Variants in RHBDD1 observed in about 807,000 individuals in gnomAD.
RHBDD1 encodes the protein rhomboid-related protein 4.
A neutral mutation model predicts 36.3 loss-of-function variants in RHBDD1; 38 were observed. The ratio of observed to expected loss-of-function variants is 1.05; its 90% CI spans 0.81 to 1.37. The LOEUF (loss-of-function observed/expected upper bound fraction) is 1.37. RHBDD1 is among the 40% of genes most tolerant of loss of function. The pLI, the probability that RHBDD1 is intolerant of heterozygous loss-of-function variation, is 0.00. For synonymous variants in RHBDD1, 151 were observed against 136.5 expected, an observed-to-expected ratio of 1.11 and a Z score of -0.74; for missense variants, 393 against 377.6, an observed-to-expected ratio of 1.04 and a Z score of -0.34.
At chr2:226,966,295 C>A (rs187795723) in intron 8 of RHBDD1, among the ~76,000 whole-genome samples, 76 of 152,282 alleles carry the variant, frequency 5.0e-4, no homozygotes, top group South Asian at 3.7e-3. Context: ...CACTCTTCAC[C>A]GTAAGGCTCA....
At chr2:226,826,944 T>C in the RHBDD1 span, among the ~76,000 whole-genome samples, 1 of 152,086 alleles carries the variant, frequency 6.6e-6, no homozygotes, top group African/African-American at 2.4e-5. Context: ...GACATGTTAA[T>C]AGATTACATT....
upstream of RHBDD1, among the ~76,000 whole-genome samples, chr2:226,832,290 A>T (rs1010323576): frequency 6.6e-6 from 1 of 152,220 alleles, no homozygotes; most frequent in South Asian, 2.1e-4. Flanking sequence ...GGGATTTTCC[A>T]AATTTCTTTC....
chr2:226,987,935 AC>A (rs1303585099), intron 8 of RHBDD1, among the ~76,000 whole-genome samples: 2 of 152,114 alleles, frequency 1.3e-5, no homozygotes, highest in African/African-American at 4.8e-5. Flanking sequence ...CAGATTAAGG[AC>A]CACTGCAGCA....
At chr2:226,936,530 T>C (rs1950340080) in intron 8 of RHBDD1, among the ~76,000 whole-genome samples, 1 of 152,110 alleles carries the variant, frequency 6.6e-6, no homozygotes, top group South Asian at 2.1e-4. Context: ...ATAATAATCA[T>C]TTATTGAAAG....
At chr2:226,938,106 T>A (rs765070370) in intron 8 of RHBDD1, among the ~76,000 whole-genome samples, 1 of 152,172 alleles carries the variant, frequency 6.6e-6, no homozygotes, top group Non-Finnish European at 1.5e-5. Context: ...CGGCAGCTGT[T>A]ATTTTTTTAC....
chr2:226,960,679 G>C (rs1331604435), intron 8 of RHBDD1, among the ~76,000 whole-genome samples: 2 of 152,120 alleles, frequency 1.3e-5, no homozygotes, highest in Non-Finnish European at 2.9e-5. Flanking sequence ...TATATATACA[G>C]AAGTGGATTT....
intron 8 of RHBDD1, among the ~76,000 whole-genome samples, chr2:226,966,810 C>G (rs1453246858): frequency 1.3e-5 from 2 of 151,418 alleles, no homozygotes; most frequent in Admixed American, 1.3e-4. Flanking sequence ...GCTGAGACTA[C>G]AGGCATAGGC....
intron 8 of RHBDD1, among the ~76,000 whole-genome samples, chr2:226,957,230 C>T (rs1316510122): frequency 1.3e-5 from 2 of 152,166 alleles, no homozygotes; most frequent in Non-Finnish European, 2.9e-5. Context: ...CAGTGGGTAA[C>T]ATGCAGGATC....
intron 8 of RHBDD1, among the ~76,000 whole-genome samples, chr2:226,977,224 C>T (rs1281502568): frequency 6.6e-6 from 1 of 152,210 alleles, no homozygotes; most frequent in Non-Finnish European, 1.5e-5. Flanking sequence ...GTTTGTGTCT[C>T]CCCTTCGGCA....
At chr2:226,934,212 G>A (rs766629112) in intron 8 of RHBDD1, among the ~76,000 whole-genome samples, 3 of 151,994 alleles carry the variant, frequency 2.0e-5, no homozygotes, top group Admixed American at 6.6e-5. Context: ...ACTTACCATT[G>A]CATTACACTT....
At chr2:226,816,375 C>G in the RHBDD1 span, among the ~76,000 whole-genome samples, 2 of 64,932 alleles carry the variant, frequency 3.1e-5, no homozygotes, top group African/African-American at 4.7e-5. Flanking sequence ...GGAATGGTGG[C>G]AAAAAAAAAA....
intron 8 of RHBDD1, among the ~76,000 whole-genome samples, chr2:226,975,224 G>T (rs909513970): frequency 1.3e-5 from 2 of 152,072 alleles, no homozygotes; most frequent in Non-Finnish European, 2.9e-5. Context: ...ATGTAGAAAA[G>T]GTGGAATCGA....
chr2:226,867,704 GC>G (rs1215796594), intron 5 of RHBDD1: 72 of 935,274 alleles, frequency 7.7e-5, no homozygotes, highest in Admixed American at 1.2e-4. Context: ...TTGATCTAAT[GC>G]TTTTTATTAT....
At chr2:226,935,794 G>C (rs1950293652) in intron 8 of RHBDD1, among the ~76,000 whole-genome samples, 1 of 152,068 alleles carries the variant, frequency 6.6e-6, no homozygotes, top group Admixed American at 6.6e-5. Context: ...ACAGATGAAA[G>C]ATCTCTGAAA....
intron 8 of RHBDD1, among the ~76,000 whole-genome samples, chr2:226,985,682 C>A (rs1278999698): frequency 6.6e-6 from 1 of 152,232 alleles, no homozygotes; most frequent in Non-Finnish European, 1.5e-5. Context: ...GGAAGCCCAC[C>A]CAATCAGCAA....
chr2:226,814,184 T>C, the RHBDD1 span, among the ~76,000 whole-genome samples: 1 of 152,250 alleles, frequency 6.6e-6, no homozygotes, highest in Non-Finnish European at 1.5e-5. Flanking sequence ...AAAGTGAACA[T>C]GATATCTTGT....
chr2:226,865,301 T>G (rs924608713), intron 4 of RHBDD1, among the ~76,000 whole-genome samples, 175 bp downstream of exon 4: 4 of 152,192 alleles, frequency 2.6e-5, no homozygotes, highest in African/African-American at 9.7e-5. Flanking sequence ...CCATTCTACA[T>G]TATGCTGCAT....
intron 8 of RHBDD1, among the ~76,000 whole-genome samples, chr2:226,918,929 C>T (rs1311652357): frequency 1.3e-5 from 2 of 152,008 alleles, no homozygotes; most frequent in Non-Finnish European, 2.9e-5. Flanking sequence ...ACATTCACAC[C>T]AAAAGTGTAC....
Position 226,865,098 on chromosome 2 carries a change from CAAAAGG to C in RHBDD1, c.407_412del (p.Lys136_Arg137del), listed in dbSNP as rs1028103610. 3 of 1,613,866 alleles carry C rather than the reference CAAAAGG, an allele frequency of 1.9e-6. No individual in the cohort carries two copies. The Admixed American group carries it at 5.0e-5, about 27-fold the overall frequency. On this transcript the variant is annotated inframe_deletion, in exon 4 of 9. Coordinates refer to ENST00000392062, the MANE Select transcript of RHBDD1 (RefSeq NM_001167608.3). ...CCGAATTTATGGATGAACCTGACTT[CAAAAGG>C]AGCTGTGCTGTAGGTTTCTCAGGTA...
Sources: gnomAD v4.1 joint callset for allele counts (sites outside exome capture counted in the v4.1 genomes callset) on GRCh38, gnomAD v4.1.1 for gene constraint, MANE v1.5 for transcripts, NCBI Gene and HGNC (gene_info 2026-07-23, HGNC 2026-07-21) for gene names.